The following COG4 variants were observed in gnomAD, a reference collection of about 807,000 sequenced individuals.
COG4 encodes conserved oligomeric Golgi complex subunit 4.
A neutral mutation model predicts 95.1 loss-of-function variants in COG4; 65 were observed. That is an observed-to-expected ratio of 0.68 (90% CI 0.56 to 0.84). The LOEUF (loss-of-function observed/expected upper bound fraction) is 0.84. Among genes scored for constraint, COG4 ranks in the 40% least tolerant of loss-of-function variants. COG4 has a pLI of 0.00. For missense variants in COG4, 1,045 were observed against 989.1 expected (o/e 1.06, Z -0.76); for synonymous variants, 421 against 374.8 (o/e 1.12, Z -1.42).
rs755109000 is a variant in COG4 at position 70,482,153 on chromosome 16, G to A, written c.1943C>T (p.Ala648Val). 1.7e-5 allele frequency: 28 copies of A among 1,613,546 alleles called. No homozygotes were observed. Among genetic ancestry groups the A allele is most frequent in the Non-Finnish European group, 2.4e-5 (28 of 1,179,636 alleles). ...GAACTGTTGTACCCAAGGGTCGTTG[G>A]CCTCATAGTCATTGAATTCTTCCTG... ...IEEEEFNDYE[A>V]NDPWVQQFIL... is the part of the protein sequence containing the mutation. Residue 648 changes from alanine (A) to valine (V), a missense_variant, in exon 16 of 19, where the codon GCC (alanine) becomes GTC (valine). By Grantham distance (64) the Ala-to-Val change is moderately conservative. Transcript: ENST00000323786.
intron 11 of COG4, among the ~76,000 whole-genome samples, chr16:70,496,933 G>A (rs1274052260): frequency 4.6e-5 from 7 of 152,184 alleles, no homozygotes; most frequent in Admixed American, 6.5e-5. Flanking sequence ...TGGGCCTGTA[G>A]CAATGGTACC....
At position 70,499,644 on chromosome 16, in the gene COG4, C is replaced by T. The variant is rs543890864; in HGVS notation, c.1195+1314G>A. Among the ~76,000 whole-genome samples, 3 of 152,234 alleles carry T rather than the reference C, an allele frequency of 2.0e-5. No homozygotes were observed. The South Asian group carries it at 6.2e-4, about 32-fold the overall frequency. ...GAGTCAATCTGTAAATGAAATTGGA[C>T]TCTGGCATGCCTTTTAAACAATTTA... is the stretch of plus-strand genomic sequence containing the variant. On this transcript the variant is annotated intron_variant, in intron 9 of 18. Transcript: ENST00000323786.
In COG4 at chr16:70,514,362, T is replaced by A. The variant is rs1159094759; in HGVS notation, c.517A>T (p.Ile173Phe). 3.1e-6 allele frequency: 5 copies of A among 1,614,094 alleles called. No homozygotes were observed. The highest frequency in any genetic ancestry group is 1.7e-5 in the Admixed American group (1 of 60,004). ...HRYLCLDKSV[I>F]ELSRQGKEGS... is the part of the protein sequence containing the mutation. ...TCTTTGCCCTGTCGGCTGAGCTCAA[T>A]GACCGACTTGTCCAGGCACAAGTAG... Residue 173 changes from isoleucine (I) to phenylalanine (F), a missense_variant, in exon 4 of 19, where the codon ATT becomes TTT. By Grantham distance (21) the Ile-to-Phe change is conservative. Transcript: ENST00000323786.
At chr16:70,488,765 G>A (rs976734936) in intron 13 of COG4, among the ~76,000 whole-genome samples, 1 of 150,862 alleles carries the variant, frequency 6.6e-6, no homozygotes, top group Admixed American at 6.6e-5. Context: ...TGGCCAGACC[G>A]GTCTCGAATT....
rs17652109 is a variant in COG4, at chr16:70,509,180, G to A, written c.1002+51C>T. The A allele has an allele frequency of 0.025, 40,185 of 1,607,268 alleles. 592 individuals are homozygous for A. Among genetic ancestry groups the A allele is most frequent in the Non-Finnish European group, 0.029 (34,335 of 1,174,166 alleles). ...AACCCTACAATTTATTCTACTCAGT[G>A]TTCCTCGCTAAAGCTGCTACCAAAC... On this transcript the variant is annotated intron_variant, in intron 7 of 18. Coordinates refer to ENST00000323786, the MANE Select transcript of COG4 (RefSeq NM_015386.3).
chr16:70,506,322 GA>G (rs904559453), intron 8 of COG4, among the ~76,000 whole-genome samples: 1 of 151,760 alleles, frequency 6.6e-6, no homozygotes, highest in African/African-American at 2.4e-5. Flanking sequence ...AGAATGGCGT[GA>G]ATCCAGGAGG....
rs2049014674 is a variant in COG4 at position 70,482,253 on chromosome 16, A to G, written c.1921-78T>C. On this transcript the variant is annotated intron_variant, in intron 15 of 18. Coordinates refer to ENST00000323786, the MANE Select transcript of COG4 (RefSeq NM_015386.3). The stretch of plus-strand genomic sequence containing the variant: ...CATTGCCACCCACCTCTATCCCTCT[A>G]AGAAAATAATGTAAAACATTCTTCC... 4.3e-6 allele frequency: 4 copies of G among 919,662 alleles called. No individual in the cohort carries two copies. The East Asian group carries it at 9.6e-5, about 22-fold the overall frequency. 57.0% of individuals were successfully genotyped at this position (919,662 alleles called of 1,614,324 possible).
intron 3 of COG4, 77 bp downstream of exon 3, chr16:70,517,549 C>G (rs2049847257): frequency 3.6e-6 from 3 of 833,680 alleles, no homozygotes; most frequent in Non-Finnish European, 5.8e-6. Flanking sequence ...CATTGTACCA[C>G]TGTACTCCAG....
At chr16:70,509,511 A>C in intron 6 of COG4, 123 bp from the exon 7 acceptor site, 1 of 1,093,022 alleles carries the variant, frequency 9.1e-7, no homozygotes, top group Middle Eastern at 2.3e-4. Flanking sequence ...TTCTAAAATG[A>C]ACACAAATAG....
intron 5 of COG4, 41 bp from the exon 6 acceptor site, chr16:70,510,062 C>A: frequency 6.6e-7 from 1 of 1,512,130 alleles, no homozygotes; most frequent in South Asian, 1.1e-5. Context: ...TCAGAAAGGT[C>A]ACCCTCATAC....
chr16:70,516,648 C>T (rs554072871), intron 3 of COG4, among the ~76,000 whole-genome samples: 1 of 151,738 alleles, frequency 6.6e-6, no homozygotes, highest in Non-Finnish European at 1.5e-5. Context: ...CTGAAGTTTT[C>T]TGTGATATTT....
At chr16:70,504,743 C>G (rs2049525461) in intron 8 of COG4, among the ~76,000 whole-genome samples, 1 of 151,688 alleles carries the variant, frequency 6.6e-6, no homozygotes, top group Non-Finnish European at 1.5e-5. Context: ...AACCCCATCT[C>G]TACTAAAAAT....
At chr16:70,522,802 CA>C (rs1246240727) in intron 1 of COG4, among the ~76,000 whole-genome samples, 1 of 152,144 alleles carries the variant, frequency 6.6e-6, no homozygotes, top group African/African-American at 2.4e-5. Context: ...GATAAAATAT[CA>C]AGGGTACCAG....
At chr16:70,486,468 G>A (rs1414141133) in intron 13 of COG4, among the ~76,000 whole-genome samples, 4 of 152,146 alleles carry the variant, frequency 2.6e-5, no homozygotes, top group African/African-American at 9.7e-5. Flanking sequence ...TGAACGTCAT[G>A]CCACCTGATC....
chr16:70,507,787 G>C (rs2151757116), intron 8 of COG4, among the ~76,000 whole-genome samples: 1 of 151,582 alleles, frequency 6.6e-6, no homozygotes, highest in East Asian at 2.0e-4. Flanking sequence ...GCTTGAACCT[G>C]GGAGGCAGGG....
In COG4 at chr16:70,523,485, G is replaced by A. The variant is rs781200899; in HGVS notation, c.59C>T (p.Pro20Leu). The change falls in exon 1 of 19, where the codon CCG (proline) becomes CTG (leucine). Residue 20 changes from proline to leucine, a missense_variant. Transcript: ENST00000323786. The stretch of plus-strand genomic sequence containing the variant: ...GCGGCCACCTCCCACCCCCTCAGAC[G>A]GCTGCTGCACCCCTGACAGCTTCGG... The part of the protein sequence containing the change: ...SPPKLSGVQQ[P>L]SEGVGGGRCS... The A allele has an allele frequency of 3.6e-5, 58 of 1,613,938 alleles. No homozygotes were observed. In the Middle Eastern group the frequency reaches 4.9e-4, roughly 14 times the overall value.
rs781588198 is a variant in COG4 at position 70,481,484 on chromosome 16, C to T, written c.2110G>A (p.Gly704Ser). The T allele has an allele frequency of 6.2e-7, 1 of 1,611,788 alleles. No individual in the cohort carries two copies. Among genetic ancestry groups the T allele is most frequent in the South Asian group, 1.1e-5 (1 of 91,074 alleles). Residue 704 changes from glycine to serine, a missense_variant, in exon 18 of 19, where the codon GGT becomes AGT. Transcript: ENST00000323786. ...VVLKSTFNRL[G>S]GLQFDKELRS... Reference sequence around the variant, plus strand: ...AGCTCCTTGTCAAACTGCAGACCACCCAGCTGCAGGAGAACCCAAGCCCAG... The same window carrying T: ...AGCTCCTTGTCAAACTGCAGACCACTCAGCTGCAGGAGAACCCAAGCCCAG...
intron 12 of COG4, 91 bp from the exon 13 acceptor site, chr16:70,490,483 A>T (rs1054270688): frequency 4.0e-6 from 4 of 1,012,328 alleles, no homozygotes; most frequent in Non-Finnish European, 6.3e-6. Flanking sequence ...GTGCTCCATG[A>T]AGCTCAGAGA....
At chr16:70,481,510 T>C in intron 17 of COG4, 23 bp from the exon 18 acceptor site, 2 of 1,610,408 alleles carry the variant, frequency 1.2e-6, no homozygotes, top group Non-Finnish European at 1.7e-6. Flanking sequence ...CCAAGCCCAG[T>C]CACTACTTAG....
Sources: allele counts gnomAD v4.1 joint callset (sites outside exome capture counted in the v4.1 genomes callset), GRCh38; gene constraint gnomAD v4.1.1; transcripts MANE v1.5; gene names NCBI Gene and HGNC (gene_info 2026-07-23, HGNC 2026-07-21).